The following LGSN variants were observed in gnomAD, a reference collection of about 807,000 sequenced individuals.
The protein encoded by LGSN is lengsin.
In LGSN, 21 loss-of-function variants were observed where a neutral mutation model predicts 19.5. That is an observed-to-expected ratio of 1.07 (90% confidence interval 0.76 to 1.55). The LOEUF is 1.55. Ranked by LOEUF, LGSN falls within the 40% of genes most tolerant of loss-of-function variation. The probability of loss-of-function intolerance (pLI) is 0.00; values close to 1 mark genes in which losing one functional copy is unlikely to be tolerated. For synonymous variants in LGSN, 257 were observed against 215.6 expected (o/e 1.19, Z -1.68); for missense variants, 673 against 608.5 (o/e 1.11, Z -1.12).
chr6:63,506,932 T>C, the LGSN span, among the ~76,000 whole-genome samples: 1 of 152,070 alleles, frequency 6.6e-6, no homozygotes, highest in Non-Finnish European at 1.5e-5. Flanking sequence ...ATCTTACTAG[T>C]ATCCCTGCAA....
the LGSN span, among the ~76,000 whole-genome samples, chr6:63,519,989 A>G: frequency 6.6e-6 from 1 of 152,226 alleles, no homozygotes. Flanking sequence ...ATAAACCTGT[A>G]GACTGATTTA....
chr6:63,297,795 C>T (rs528193255), intron 1 of LGSN, among the ~76,000 whole-genome samples: 7 of 152,276 alleles, frequency 4.6e-5, no homozygotes, highest in African/African-American at 1.7e-4. Flanking sequence ...CCTAGGGCTA[C>T]CTCCTTATAT....
the LGSN span, among the ~76,000 whole-genome samples, chr6:63,367,351 T>C: frequency 6.6e-6 from 1 of 152,068 alleles, no homozygotes; most frequent in East Asian, 1.9e-4. Context: ...TGCTCATCAT[T>C]ACTGATCATC....
chr6:63,457,685 G>A, the LGSN span, among the ~76,000 whole-genome samples: 1 of 152,030 alleles, frequency 6.6e-6, no homozygotes, highest in African/African-American at 2.4e-5. Flanking sequence ...CAAGACCAGC[G>A]TGGCCAATGT....
chr6:63,476,499 C>T, the LGSN span, among the ~76,000 whole-genome samples: 2 of 152,170 alleles, frequency 1.3e-5, no homozygotes, highest in East Asian at 1.9e-4. Context: ...GCTGGAACTG[C>T]GATCATTTGA....
chr6:63,391,562 G>A, the LGSN span, among the ~76,000 whole-genome samples: 3 of 152,160 alleles, frequency 2.0e-5, no homozygotes, highest in South Asian at 6.2e-4. Context: ...CAAGGTCTGT[G>A]TTAGCTTTTA....
intron 1 of LGSN, among the ~76,000 whole-genome samples, chr6:63,297,137 C>T (rs1026267035): frequency 1.3e-5 from 2 of 151,930 alleles, no homozygotes; most frequent in Non-Finnish European, 2.9e-5. Flanking sequence ...GTCAGAAGAT[C>T]GAGACCAGCC....
the LGSN span, among the ~76,000 whole-genome samples, chr6:63,551,960 G>T: frequency 6.6e-6 from 1 of 152,170 alleles, no homozygotes; most frequent in African/African-American, 2.4e-5. Context: ...CATTTGGGTT[G>T]GTTCCAAGTC....
chr6:63,346,617 G>A, the LGSN span, among the ~76,000 whole-genome samples: 28,015 of 152,090 alleles, frequency 0.18, 3,378 homozygotes, highest in South Asian at 0.25. Context: ...AACCTAAGGA[G>A]GGAGTCATGT....
chr6:63,305,586 G>A (rs1768351484), intron 1 of LGSN, among the ~76,000 whole-genome samples: 1 of 152,176 alleles, frequency 6.6e-6, no homozygotes, highest in Non-Finnish European at 1.5e-5. Context: ...TAATTCAGCT[G>A]TTTCTGTGAC....
At chr6:63,533,250 C>T in the LGSN span, among the ~76,000 whole-genome samples, 9 of 152,008 alleles carry the variant, frequency 5.9e-5, no homozygotes, top group Non-Finnish European at 1.2e-4. Context: ...GATGTGGTGG[C>T]GCACACCTGT....
chr6:63,280,435 G>C lies in LGSN; in HGVS notation c.1116C>G (p.Asp372Glu). Residue 372 changes from aspartate (D) to glutamate (E), a missense_variant, in exon 4 of 4, where the codon GAC becomes GAG. Physicochemically the swap from Asp to Glu is conservative, Grantham distance 45. Transcript: ENST00000370657. Reference protein sequence around the residue: ...SVSCRKRYSKDRKDLKKSVPT... With the variant: ...SVSCRKRYSKERKDLKKSVPT... Reference sequence around the variant, plus strand: ...GCACACTCTTCTTCAGGTCTTTCCTGTCCTTGGAATAACGCTTTCGGCAGC... The same window carrying C: ...GCACACTCTTCTTCAGGTCTTTCCTCTCCTTGGAATAACGCTTTCGGCAGC... 1 of 1,614,170 alleles carries C rather than the reference G, an allele frequency of 6.2e-7. No individual in the cohort carries two copies. Among genetic ancestry groups the C allele is most frequent in the Non-Finnish European group, 8.5e-7 (1 of 1,180,040 alleles).
At chr6:63,548,964 C>A in the LGSN span, 9 of 760,364 alleles carry the variant, frequency 1.2e-5, no homozygotes, top group Admixed American at 1.7e-4. Flanking sequence ...CTTGATAATG[C>A]AGTAAGGGAC....
At chr6:63,363,118 C>T in the LGSN span, among the ~76,000 whole-genome samples, 21 of 152,322 alleles carry the variant, frequency 1.4e-4, no homozygotes, top group Admixed American at 1.3e-4. Flanking sequence ...CTCCAACAGA[C>T]CTGCAGCTGA....
chr6:63,390,160 C>T, the LGSN span, among the ~76,000 whole-genome samples: 27 of 114,154 alleles, frequency 2.4e-4, no homozygotes, highest in African/African-American at 8.4e-4. Context: ...GGCAGAGTCT[C>T]GCTCTGTCAC....
chr6:63,494,906 T>C, the LGSN span, among the ~76,000 whole-genome samples: 3 of 152,250 alleles, frequency 2.0e-5, 1 homozygote, highest in Non-Finnish European at 1.5e-5. Flanking sequence ...AGATACTTAC[T>C]GGAAAGACAT....
chr6:63,522,862 CTT>C, the LGSN span, among the ~76,000 whole-genome samples: 41,617 of 125,064 alleles, frequency 0.33, 4,710 homozygotes, highest in Admixed American at 0.37. Flanking sequence ...GACTAAATCA[CTT>C]TTTTTTTTTT....
the LGSN span, among the ~76,000 whole-genome samples, chr6:63,460,834 T>C: frequency 6.6e-6 from 1 of 152,194 alleles, no homozygotes; most frequent in Non-Finnish European, 1.5e-5. Context: ...CTGTTCTAGT[T>C]CACTAAGGTG....
chr6:63,543,523 GAAT>G, the LGSN span, among the ~76,000 whole-genome samples: 1 of 152,150 alleles, frequency 6.6e-6, no homozygotes, highest in African/African-American at 2.4e-5. Flanking sequence ...CTGACAGGAA[GAAT>G]AATAATTGTT....
Sources: gnomAD v4.1 joint callset for allele counts (sites outside exome capture counted in the v4.1 genomes callset) on GRCh38, gnomAD v4.1.1 for gene constraint, MANE v1.5 for transcripts, NCBI Gene and HGNC (gene_info 2026-07-23, HGNC 2026-07-21) for gene names.